The following VPS35L variants were observed in gnomAD, a reference collection of about 807,000 sequenced individuals.
VPS35L encodes the protein VPS35 endosomal protein-sorting factor-like.
A neutral mutation model predicts 133.0 loss-of-function variants in VPS35L; 83 were observed. That is an observed-to-expected ratio of 0.62 (90% CI 0.52 to 0.75). The LOEUF is 0.75. VPS35L is among the 30% of genes least tolerant of loss of function. The pLI, the probability that VPS35L is intolerant of heterozygous loss-of-function variation, is 0.00. For synonymous variants in VPS35L, 423 were observed against 449.9 expected (o/e 0.94, Z 0.76); for missense variants, 1,083 against 1,206.8 (o/e 0.90, Z 1.52).
chr16:19,624,105 G>GTTT (rs1973180226), intron 14 of VPS35L, among the ~76,000 whole-genome samples: 5 of 127,058 alleles, frequency 3.9e-5, no homozygotes, highest in African/African-American at 1.3e-4. Context: ...TGCCTACCAG[G>GTTT]TCTTTTTTTT....
rs982506104 is a variant in VPS35L at position 19,579,307 on chromosome 16, G to T, written c.510+179G>T. On this transcript the variant is annotated intron_variant, in intron 6 of 30. Transcript: ENST00000417362. The stretch of plus-strand genomic sequence containing the variant: ...CCAGTGTGCAGTTGGCCGAGCTCAC[G>T]GAAGCCTGACTGGGGCTGCTTTTCT... 4 of 573,710 alleles carry T rather than the reference G, an allele frequency of 7.0e-6. 1 individual carries two copies. In the Admixed American group the frequency reaches 1.3e-4, roughly 18 times the overall value. The allele number at this position is 573,710 out of a possible 1,614,324, so 35.5% of individuals were successfully genotyped here.
At chr16:19,656,994 C>T (rs1260949092) in intron 26 of VPS35L, among the ~76,000 whole-genome samples, 1 of 133,154 alleles carries the variant, frequency 7.5e-6, no homozygotes, top group Non-Finnish European at 1.6e-5. Flanking sequence ...GAGGCAGAGT[C>T]CTGCTCCGTC....
At chr16:19,610,115 A>T (rs1567420092) in intron 11 of VPS35L, among the ~76,000 whole-genome samples, 1 of 152,198 alleles carries the variant, frequency 6.6e-6, no homozygotes, top group East Asian at 1.9e-4. Flanking sequence ...CGATGAAAGA[A>T]ATCATTCAAT....
At chr16:19,569,161 G>A (rs941903347) in intron 2 of VPS35L, 13 of 637,770 alleles carry the variant, frequency 2.0e-5, no homozygotes, top group South Asian at 1.8e-4. Context: ...CCCAGGTGCT[G>A]TAGCCATCTC....
At position 19,701,014 on chromosome 16, in the gene VPS35L, CTT is replaced by C. The variant is rs1483258706; in HGVS notation, c.*539_*540del. 2 of 152,762 alleles carry C rather than the reference CTT, an allele frequency of 1.3e-5. No homozygotes were observed. Among genetic ancestry groups the C allele is most frequent in the Non-Finnish European group, 2.9e-5 (2 of 68,498 alleles). The allele number at this position is 152,762 out of a possible 1,614,324, so 9.5% of individuals were successfully genotyped here. Reference sequence around the variant, plus strand: ...ACTCTTTTTCCTATCAAAAGCAGCTCTTGATTGGACTTAGAATCTGTGTTGGT... The same window carrying C: ...ACTCTTTTTCCTATCAAAAGCAGCTCGATTGGACTTAGAATCTGTGTTGGT... On this transcript the variant is annotated 3_prime_UTR_variant, in exon 31 of 31. Coordinates refer to ENST00000417362, the MANE Select transcript of VPS35L (RefSeq NM_020314.7).
At chr16:19,580,767 A>G (rs1971683885) in intron 6 of VPS35L, among the ~76,000 whole-genome samples, 2 of 152,128 alleles carry the variant, frequency 1.3e-5, no homozygotes, top group Admixed American at 1.3e-4. Flanking sequence ...TCACTCCTCC[A>G]GGAAGCCATT....
chr16:19,571,128 C>T (rs1172697280), intron 3 of VPS35L, among the ~76,000 whole-genome samples: 2 of 151,848 alleles, frequency 1.3e-5, no homozygotes, highest in African/African-American at 4.8e-5. Flanking sequence ...ACCTCGGCCT[C>T]CCAAAGTGCT....
chr16:19,691,548 A>C, intron 29 of VPS35L, 77 bp downstream of exon 29: 1 of 1,164,430 alleles, frequency 8.6e-7, no homozygotes, highest in Non-Finnish European at 1.3e-6. Context: ...ACCTTGGTTC[A>C]TTCTAGAAAG....
Position 19,699,315 on chromosome 16 carries a change from C to T in VPS35L, c.2647-187C>T. 1.6e-6 allele frequency: 1 copy of T among 637,942 alleles called. No individual in the cohort carries two copies. The highest frequency in any genetic ancestry group is 2.6e-6 in the Non-Finnish European group (1 of 378,470). The allele number at this position is 637,942 out of a possible 1,614,324, so 39.5% of individuals were successfully genotyped here. ...CCCGCCCTTTGCAGGGGTGACCTTA[C>T]TGTCACTTACAGATGAAGCAGCTGG... On this transcript the variant is annotated intron_variant, in intron 29 of 30. Coordinates refer to ENST00000417362, the MANE Select transcript of VPS35L (RefSeq NM_020314.7). This position sits in a 1 kb window ranked among gnomAD's most constrained non-coding sequence, Gnocchi z 4.2.
chr16:19,575,723 C>T (rs976014578), intron 5 of VPS35L, among the ~76,000 whole-genome samples: 4 of 148,766 alleles, frequency 2.7e-5, no homozygotes, highest in Admixed American at 6.8e-5. Context: ...TTTTGCTGGG[C>T]GTGGTGGTAC....
chr16:19,668,977 C>T (rs980077784), intron 26 of VPS35L, among the ~76,000 whole-genome samples, 183 bp from the exon 27 acceptor site: 2 of 152,204 alleles, frequency 1.3e-5, no homozygotes, highest in African/African-American at 4.8e-5. Context: ...TGAAGCAGTG[C>T]CCTGTCAAGC....
At chr16:19,662,056 C>T (rs768343606) in intron 26 of VPS35L, among the ~76,000 whole-genome samples, 9 of 152,018 alleles carry the variant, frequency 5.9e-5, no homozygotes, top group Non-Finnish European at 1.0e-4. Flanking sequence ...CTTAAAAAAT[C>T]AGCAGGCATG....
rs767251879 is a variant in VPS35L at position 19,591,781 on chromosome 16, T to C, written c.640-9T>C. The C allele has an allele frequency of 9.4e-6, 15 of 1,603,592 alleles. No individual in the cohort carries two copies. The highest frequency in any genetic ancestry group is 1.7e-4 in the Middle Eastern group (1 of 6,056). ...AGAGTGAATTTTCTCTTTTTTTCTC[T>C]TTTTTTAGTGTTCAAAGCTTCTTTC... On this transcript the variant is annotated splice_polypyrimidine_tract_variant and intron_variant, in intron 7 of 30. Coordinates refer to ENST00000417362, the MANE Select transcript of VPS35L (RefSeq NM_020314.7).
chr16:19,564,102 A>C (rs984964016), intron 1 of VPS35L, among the ~76,000 whole-genome samples: 4 of 152,146 alleles, frequency 2.6e-5, no homozygotes, highest in Admixed American at 2.6e-4. Context: ...TTTTTGAGAC[A>C]GAGTCTCACT....
At chr16:19,593,781 G>A (rs1972115245) in intron 8 of VPS35L, among the ~76,000 whole-genome samples, 1 of 152,140 alleles carries the variant, frequency 6.6e-6, no homozygotes. Context: ...GCTGGGTGTT[G>A]TGGTGCACAC....
intron 14 of VPS35L, among the ~76,000 whole-genome samples, chr16:19,624,853 C>T (rs1031110732): frequency 1.3e-5 from 2 of 152,144 alleles, no homozygotes; most frequent in African/African-American, 4.8e-5. Flanking sequence ...CTCACAAGGA[C>T]ATGGTGAAGA....
chr16:19,569,479 C>T lies in VPS35L; in HGVS notation c.173C>T (p.Ser58Phe). Residue 58 changes from serine to phenylalanine, a missense_variant, in exon 3 of 31, where the codon TCC (serine) becomes TTC (phenylalanine). Physicochemically the swap from Ser to Phe is radical, Grantham distance 155. Transcript: ENST00000417362. ...CGGAAAGGAAGCACTTCTTCCACGT[C>T]CTCCTCCTCCTCCAGCTCCGTGGTG... ...VNRKGSTSST[S>F]SSSSSSVVDP... 1 of 1,574,318 alleles carries T rather than the reference C, an allele frequency of 6.4e-7. No homozygotes were observed. Among genetic ancestry groups the T allele is most frequent in the Non-Finnish European group, 8.6e-7 (1 of 1,158,862 alleles).
intron 17 of VPS35L, among the ~76,000 whole-genome samples, chr16:19,629,039 A>C (rs1417445572): frequency 6.6e-6 from 1 of 152,144 alleles, no homozygotes; most frequent in African/African-American, 2.4e-5. Context: ...GCCTCTCAAA[A>C]TGCTGGGATT....
chr16:19,608,921 C>T (rs1972620982), intron 10 of VPS35L, 53 bp from the exon 11 acceptor site: 1 of 1,539,430 alleles, frequency 6.5e-7, no homozygotes, highest in African/African-American at 1.4e-5. Flanking sequence ...GTCTTTTCTC[C>T]ATAGGGAGTA....
Sources: allele counts gnomAD v4.1 joint callset (sites outside exome capture counted in the v4.1 genomes callset), GRCh38; gene constraint gnomAD v4.1.1; non-coding constraint Gnocchi (gnomAD v3.1); transcripts MANE v1.5; gene names NCBI Gene and HGNC (gene_info 2026-07-23, HGNC 2026-07-21).